The following OR3A2 variants were observed in gnomAD, a reference collection of about 807,000 sequenced individuals.
The protein encoded by OR3A2 is olfactory receptor family 3 subfamily A member 2.
For missense variants in OR3A2, 318 were observed against 392.8 expected (o/e 0.81, Z 1.61); for synonymous variants, 126 against 159.3 (o/e 0.79, Z 1.57).
exon 2 of OR3A2, chr17:3,278,289 G>C: frequency 6.2e-7 from 1 of 1,614,246 alleles, no homozygotes; most frequent in African/African-American, 1.3e-5. Flanking sequence ...AGGTGTGCCT[G>C]CCATGATGAA....
chr17:3,329,266 G>C (rs1352805762), intron 3 of OR3A2, among the ~76,000 whole-genome samples: 6 of 151,194 alleles, frequency 4.0e-5, no homozygotes, highest in South Asian at 2.1e-4. Flanking sequence ...CTGTTGATTG[G>C]AATAGTTTCA....
chr17:3,283,162 G>A (rs901449880), intron 1 of OR3A2, among the ~76,000 whole-genome samples: 5 of 152,144 alleles, frequency 3.3e-5, no homozygotes, highest in African/African-American at 1.2e-4. Context: ...GACAGAATAT[G>A]TTTGATTCAT....
At chr17:3,373,105 G>A (rs966211401) in intron 2 of OR3A2, among the ~76,000 whole-genome samples, 1 of 152,072 alleles carries the variant, frequency 6.6e-6, no homozygotes, top group Admixed American at 6.5e-5. Flanking sequence ...GTGTAGTTTT[G>A]AGGGTTCCTT....
intron 3 of OR3A2, 95 bp downstream of exon 2, chr17:3,335,934 G>A (rs1338465506): frequency 1.3e-5 from 2 of 152,178 alleles, no homozygotes; most frequent in Non-Finnish European, 2.9e-5. Flanking sequence ...AACTGACAAG[G>A]TGCCAACACA....
At chr17:3,310,458 G>A (rs1252256900) in intron 3 of OR3A2, 1 of 535,630 alleles carries the variant, frequency 1.9e-6, no homozygotes, top group Admixed American at 1.9e-5. Context: ...CAGCATCCTG[G>A]CGGCCATCCT....
In OR3A2 at chr17:3,292,580, C is replaced by T. The variant is rs199846490; in HGVS notation, c.-84-13427G>A. ...TTCCATTGGCCCCAGATTCTGGCTG[C>T]ATGAGTTCCTGCAAAGAAACATCCA... On this transcript the variant is annotated intron_variant, in intron 3 of 4. Transcript: ENST00000573491. The T allele has an allele frequency of 6.3e-6, 10 of 1,597,918 alleles. No individual in the cohort carries two copies. In the African/African-American group the frequency reaches 1.2e-4, roughly 19 times the overall value.
chr17:3,331,152 C>A (rs1411866586), intron 3 of OR3A2, among the ~76,000 whole-genome samples: 1 of 152,108 alleles, frequency 6.6e-6, no homozygotes, highest in East Asian at 1.9e-4. Context: ...AACATTTTTT[C>A]CTTCATTGTT....
chr17:3,363,857 G>C (rs1262569258), intron 2 of OR3A2, among the ~76,000 whole-genome samples: 1 of 152,144 alleles, frequency 6.6e-6, no homozygotes, highest in African/African-American at 2.4e-5. Flanking sequence ...TTGTTAACAT[G>C]GTGGCAGGAG....
chr17:3,310,865 A>C, intron 3 of OR3A2: 1 of 1,044,032 alleles, frequency 9.6e-7, no homozygotes, highest in African/African-American at 1.7e-5. Flanking sequence ...GTGACCTCCC[A>C]CAGCCCTTCC....
downstream of OR3A2, among the ~76,000 whole-genome samples, chr17:3,276,445 A>G (rs974287375): frequency 1.3e-5 from 2 of 152,242 alleles, no homozygotes; most frequent in African/African-American, 4.8e-5. Context: ...TTTTTGGTGC[A>G]GTGAAGGAAC....
chr17:3,277,843 G>T, exon 2 of OR3A2: 1 of 997,750 alleles, frequency 1.0e-6, no homozygotes, highest in Non-Finnish European at 1.5e-6. Context: ...GGACAAATAT[G>T]TAACACCGAT....
At chr17:3,293,964 TG>T (rs2150623048) in intron 3 of OR3A2, among the ~76,000 whole-genome samples, 1 of 151,884 alleles carries the variant, frequency 6.6e-6, no homozygotes, top group East Asian at 1.9e-4. Context: ...CATGGGAGGG[TG>T]GCCAGGGCGA....
intron 2 of OR3A2, among the ~76,000 whole-genome samples, chr17:3,340,547 G>A (rs1348775727): frequency 6.6e-6 from 1 of 152,174 alleles, no homozygotes; most frequent in African/African-American, 2.4e-5. Context: ...TTCAGGAGCA[G>A]GTTGTTCAGT....
At chr17:3,312,554 C>T (rs1039266927) in intron 3 of OR3A2, among the ~76,000 whole-genome samples, 9 of 152,158 alleles carry the variant, frequency 5.9e-5, no homozygotes, top group Non-Finnish European at 1.2e-4. Flanking sequence ...AACCTGCCCC[C>T]GCCCCCTGAC....
chr17:3,330,606 C>T (rs1016735764), intron 3 of OR3A2, among the ~76,000 whole-genome samples: 1 of 151,992 alleles, frequency 6.6e-6, no homozygotes, highest in Non-Finnish European at 1.5e-5. Flanking sequence ...CTATGTGTGT[C>T]TCTACACGTG....
chr17:3,336,751 C>G (rs2049277211), intron 2 of OR3A2, among the ~76,000 whole-genome samples: 1 of 152,200 alleles, frequency 6.6e-6, no homozygotes, highest in Admixed American at 6.5e-5. Context: ...TCTTTCCCCT[C>G]TAGACTAGAC....
chr17:3,375,725 A>T (rs2049677779), intron 2 of OR3A2, among the ~76,000 whole-genome samples: 1 of 152,060 alleles, frequency 6.6e-6, no homozygotes, highest in Non-Finnish European at 1.5e-5. Flanking sequence ...ATTTGGGTAG[A>T]CTGTTTTAGT....
intron 2 of OR3A2, among the ~76,000 whole-genome samples, chr17:3,339,000 T>C (rs2049293954): frequency 2.0e-5 from 3 of 152,204 alleles, no homozygotes; most frequent in Admixed American, 2.0e-4. Context: ...GTAAGTTGGA[T>C]TCCTAGGTAT....
rs771508308 is a variant in OR3A2 at position 3,278,083 on chromosome 17, C to T, written c.835G>A (p.Val279Ile). 8.7e-6 allele frequency: 14 copies of T among 1,614,106 alleles called. No homozygotes were observed. In the Admixed American group the frequency reaches 1.0e-4, roughly 12 times the overall value. ...ATAGGGTTGATAACAGTGTTGAAAA[C>T]TCCAACCCCTTTATCCTTGTCTGAA... The change falls in exon 2 of 2, where the codon GTT becomes ATT. Residue 279 changes from valine to isoleucine, a missense_variant. By Grantham distance (29) the Val-to-Ile change is conservative. Coordinates refer to ENST00000642052, the Ensembl canonical transcript of OR3A2.
Sources: gnomAD v4.1 joint callset for allele counts (sites outside exome capture counted in the v4.1 genomes callset) on GRCh38, gnomAD v4.1.1 for gene constraint, MANE v1.5 for transcripts, NCBI Gene and HGNC (gene_info 2026-07-23, HGNC 2026-07-21) for gene names.